NAV3: variants seen among roughly 807,000 people sequenced by gnomAD.
NAV3 encodes neuron navigator 3, also known as pore membrane and/or filament interacting like protein 1.
In NAV3, 87 loss-of-function variants were observed where a neutral mutation model predicts 244.7. The observed-to-expected ratio is 0.36, with a 90% CI of 0.30 to 0.42. The LOEUF (loss-of-function observed/expected upper bound fraction) is 0.42. NAV3 is among the 20% of genes least tolerant of loss of function. The pLI, the probability that NAV3 is intolerant of heterozygous loss-of-function variation, is 1.00. For synonymous variants in NAV3, 1,126 were observed against 1,042.2 expected, an observed-to-expected ratio of 1.08 and a Z score of -1.55; for missense variants, 2,663 against 2,893.3, an observed-to-expected ratio of 0.92 and a Z score of 1.83.
chr12:78,099,942 G>C (rs1954455131), intron 12 of NAV3, among the ~76,000 whole-genome samples: 1 of 151,872 alleles, frequency 6.6e-6, no homozygotes. Context: ...AAGAACAAGA[G>C]CTTTCCATTT....
At chr12:77,627,777 T>G (rs1012334374) in intron 2 of NAV3, among the ~76,000 whole-genome samples, 1 of 152,166 alleles carries the variant, frequency 6.6e-6, no homozygotes, top group Non-Finnish European at 1.5e-5. Flanking sequence ...GGAATCAACC[T>G]AAGTATCCAT....
At chr12:77,578,862 G>A (rs1869217448) in intron 2 of NAV3, among the ~76,000 whole-genome samples, 1 of 151,666 alleles carries the variant, frequency 6.6e-6, no homozygotes, top group African/African-American at 2.4e-5. Flanking sequence ...CGACAGAGCT[G>A]CCAGTACCTG....
chr12:78,122,136 T>C lies in NAV3; in HGVS notation c.3946T>C (p.Ser1316Pro), dbSNP rs201823152. 1.2e-6 allele frequency: 2 copies of C among 1,614,078 alleles called. No individual in the cohort carries two copies. Reference sequence around the variant, plus strand: ...CAGCAGCCCTCTCTTCAATAAACCCTCAGACTTAACTACAGATGTTATAAG... The same window carrying C: ...CAGCAGCCCTCTCTTCAATAAACCCCCAGACTTAACTACAGATGTTATAAG... ...GSSSPLFNKP[S>P]DLTTDVISLS... Residue 1316 changes from serine (S) to proline (P), a missense_variant, in exon 16 of 40, where the codon TCA (serine) becomes CCA (proline). Ser to Pro is a moderately conservative substitution (Grantham distance 74, BLOSUM62 -1). Coordinates refer to ENST00000397909, the MANE Select transcript of NAV3 (RefSeq NM_001024383.2).
intron 39 of NAV3, among the ~76,000 whole-genome samples, chr12:78,209,974 C>T (rs1191917231): frequency 2.0e-5 from 3 of 152,138 alleles, no homozygotes; most frequent in Admixed American, 1.3e-4. Context: ...AGGGACAGTG[C>T]GTGTGTGCCT....
chr12:78,092,731 A>G (rs1051287329), intron 12 of NAV3, among the ~76,000 whole-genome samples: 3 of 151,758 alleles, frequency 2.0e-5, no homozygotes, highest in Non-Finnish European at 4.4e-5. Context: ...CGATCTCCTG[A>G]CCTTGTGATC....
chr12:78,092,019 T>C (rs1953971728), intron 12 of NAV3, among the ~76,000 whole-genome samples: 1 of 152,130 alleles, frequency 6.6e-6, no homozygotes, highest in African/African-American at 2.4e-5. Context: ...CAGAATTCAT[T>C]CATTATTCAT....
At chr12:77,873,450 A>T (rs1003281639) in intron 1 of NAV3, among the ~76,000 whole-genome samples, 1 of 151,732 alleles carries the variant, frequency 6.6e-6, no homozygotes, top group African/African-American at 2.4e-5. Flanking sequence ...CTATGTCCAC[A>T]TATATTTTGA....
chr12:77,750,036 T>C (rs1868762602), intron 2 of NAV3, among the ~76,000 whole-genome samples: 1 of 152,140 alleles, frequency 6.6e-6, no homozygotes, highest in African/African-American at 2.4e-5. Context: ...ACAGTATAAA[T>C]GAAAATTATG....
intron 1 of NAV3, among the ~76,000 whole-genome samples, chr12:77,933,119 CA>C (rs923523782): frequency 2.2e-4 from 33 of 152,096 alleles, no homozygotes; most frequent in South Asian, 6.2e-4. Context: ...TCATAAGGGA[CA>C]TTTTTTTTGA....
At chr12:77,737,144 C>A (rs1279796859) in intron 2 of NAV3, among the ~76,000 whole-genome samples, 1 of 150,264 alleles carries the variant, frequency 6.7e-6, no homozygotes, top group Non-Finnish European at 1.5e-5. Context: ...AAAAAAAAAT[C>A]TATTAAAGTT....
intron 9 of NAV3, chr12:78,037,120 C>T (rs903793824): frequency 1.4e-6 from 1 of 702,894 alleles, no homozygotes; most frequent in African/African-American, 1.7e-5. Flanking sequence ...AGCAGCTCAG[C>T]CTGGAACCTC....
At chr12:77,771,894 C>G (rs1325139467) in intron 2 of NAV3, among the ~76,000 whole-genome samples, 1 of 147,894 alleles carries the variant, frequency 6.8e-6, no homozygotes, top group Non-Finnish European at 1.5e-5. Context: ...CACATGTACC[C>G]TAAAACTTAA....
intron 22 of NAV3, among the ~76,000 whole-genome samples, chr12:78,153,990 T>G (rs1054016185): frequency 1.3e-5 from 2 of 149,160 alleles, no homozygotes; most frequent in Admixed American, 1.4e-4. Context: ...CATAAAGTCT[T>G]AAATATATAT....
At chr12:77,618,286 A>G (rs928537729) in intron 2 of NAV3, among the ~76,000 whole-genome samples, 5 of 152,220 alleles carry the variant, frequency 3.3e-5, no homozygotes, top group African/African-American at 1.2e-4. Flanking sequence ...AATGTTTACT[A>G]CTTTAAGCCA....
At chr12:78,087,881 A>G (rs1953718238) in intron 12 of NAV3, among the ~76,000 whole-genome samples, 1 of 151,946 alleles carries the variant, frequency 6.6e-6, no homozygotes, top group African/African-American at 2.4e-5. Context: ...ATTCACTTAT[A>G]GATCAACATA....
chr12:77,871,898 C>A (rs1015499994), intron 1 of NAV3, among the ~76,000 whole-genome samples: 2 of 152,136 alleles, frequency 1.3e-5, no homozygotes, highest in Admixed American at 6.5e-5. Flanking sequence ...ATTTACACTC[C>A]CACCAACAGT....
intron 2 of NAV3, among the ~76,000 whole-genome samples, chr12:77,762,655 C>T (rs533601737): frequency 1.2e-4 from 19 of 152,066 alleles, no homozygotes; most frequent in African/African-American, 4.6e-4. Context: ...AAACAGGGAT[C>T]GTTGTTATAA....
intron 2 of NAV3, among the ~76,000 whole-genome samples, chr12:77,823,776 A>G (rs929979405): frequency 2.6e-5 from 4 of 152,190 alleles, no homozygotes; most frequent in African/African-American, 9.7e-5. Context: ...AGGGAAAAAA[A>G]TCCATTAATG....
At chr12:77,966,104 G>C in intron 3 of NAV3, 125 bp from the exon 4 acceptor site, 1 of 824,830 alleles carries the variant, frequency 1.2e-6, no homozygotes, top group Non-Finnish European at 2.0e-6. Flanking sequence ...CTCTGGTTAA[G>C]ACTTCTAGTA....
Sources: allele counts gnomAD v4.1 joint callset (sites outside exome capture counted in the v4.1 genomes callset), GRCh38; gene constraint gnomAD v4.1.1; transcripts MANE v1.5; gene names NCBI Gene and HGNC (gene_info 2026-07-23, HGNC 2026-07-21).